NDST3: variants seen among roughly 807,000 people sequenced by gnomAD.
The protein encoded by NDST3 is N-deacetylase and N-sulfotransferase 3, also known as bifunctional heparan sulfate N-deacetylase/N-sulfotransferase 3.
Under a neutral mutation model 96.1 loss-of-function variants are expected in NDST3, and 58 were observed. The ratio of observed to expected loss-of-function variants is 0.60; its 90% CI spans 0.49 to 0.75. NDST3 has a LOEUF of 0.75. Ranked by LOEUF, NDST3 falls within the 30% of genes least tolerant of loss-of-function variation. NDST3 has a pLI of 0.00. For synonymous variants in NDST3, 333 were observed against 359.7 expected, an observed-to-expected ratio of 0.93 and a Z score of 0.84; for missense variants, 788 against 1,034.2, an observed-to-expected ratio of 0.76 and a Z score of 3.27.
chr4:118,145,279 A>G (rs904306832), intron 6 of NDST3, among the ~76,000 whole-genome samples: 28 of 152,212 alleles, frequency 1.8e-4, no homozygotes, highest in African/African-American at 5.5e-4. Flanking sequence ...AAATGCTAAC[A>G]TTTTCACCAA....
At chr4:118,210,361 G>A (rs1375075407) in intron 6 of NDST3, among the ~76,000 whole-genome samples, 2 of 152,134 alleles carry the variant, frequency 1.3e-5, no homozygotes, top group African/African-American at 4.8e-5. Context: ...GGTATCAGAA[G>A]AAGAAATAAC....
chr4:118,173,154 G>GTA (rs746500835), intron 6 of NDST3, among the ~76,000 whole-genome samples: 18,520 of 114,338 alleles, frequency 0.16, 1,238 homozygotes, highest in South Asian at 0.19. Flanking sequence ...GTGTGTGTGT[G>GTA]TATATATATA....
At chr4:118,131,326 G>A (rs552495009) in intron 4 of NDST3, among the ~76,000 whole-genome samples, 2 of 151,906 alleles carry the variant, frequency 1.3e-5, no homozygotes, top group Non-Finnish European at 2.9e-5. Context: ...CAAATAGGCT[G>A]TCTTCAAGTT....
At chr4:118,083,761 G>C (rs1339362621) in intron 2 of NDST3, among the ~76,000 whole-genome samples, 16 of 152,044 alleles carry the variant, frequency 1.1e-4, no homozygotes, top group African/African-American at 3.9e-4. Flanking sequence ...TTATTTTTTA[G>C]ATGAGTGGAC....
intron 6 of NDST3, among the ~76,000 whole-genome samples, chr4:118,177,886 G>A (rs999811517): frequency 1.3e-5 from 2 of 151,864 alleles, no homozygotes; most frequent in African/African-American, 4.8e-5. Flanking sequence ...CAATCTGCAG[G>A]AAGAATAATC....
intron 6 of NDST3, among the ~76,000 whole-genome samples, chr4:118,147,769 C>T (rs532415591): frequency 1.2e-4 from 19 of 152,078 alleles, no homozygotes; most frequent in Non-Finnish European, 2.8e-4. Flanking sequence ...TTGTGGGAGC[C>T]ATATTATCAT....
intron 6 of NDST3, among the ~76,000 whole-genome samples, chr4:118,223,140 TG>T (rs918130427): frequency 6.6e-6 from 1 of 151,838 alleles, no homozygotes; most frequent in African/African-American, 2.4e-5. Context: ...CACTGAAAAA[TG>T]TGGCATGTAA....
intron 6 of NDST3, among the ~76,000 whole-genome samples, chr4:118,223,770 T>A (rs893117897): frequency 1.3e-5 from 2 of 152,130 alleles, no homozygotes; most frequent in Non-Finnish European, 2.9e-5. Context: ...TGACATTATA[T>A]ATTTTAGGAA....
At chr4:118,109,784 T>TA (rs942162194) in intron 3 of NDST3, among the ~76,000 whole-genome samples, 8 of 152,290 alleles carry the variant, frequency 5.3e-5, no homozygotes, top group East Asian at 1.9e-4. Context: ...CCTTTTTCTA[T>TA]AAAAAAATTC....
intron 6 of NDST3, among the ~76,000 whole-genome samples, chr4:118,147,663 T>G (rs1418277780): frequency 6.6e-6 from 1 of 152,228 alleles, no homozygotes; most frequent in Non-Finnish European, 1.5e-5. Context: ...GTGTTCATTT[T>G]AACAAGTTTC....
At chr4:118,162,187 A>C (rs1735204475) in intron 6 of NDST3, among the ~76,000 whole-genome samples, 1 of 152,164 alleles carries the variant, frequency 6.6e-6, no homozygotes. Flanking sequence ...AAGGTAATTT[A>C]CAGATTCAAT....
At chr4:118,222,566 G>C (rs1023760777) in intron 6 of NDST3, among the ~76,000 whole-genome samples, 1 of 151,962 alleles carries the variant, frequency 6.6e-6, no homozygotes, top group Non-Finnish European at 1.5e-5. Context: ...AGCTTATGGT[G>C]CACCTTGCAT....
At chr4:118,238,922 A>G (rs1191500050) in intron 10 of NDST3, among the ~76,000 whole-genome samples, 1 of 152,224 alleles carries the variant, frequency 6.6e-6, no homozygotes, top group East Asian at 1.9e-4. Flanking sequence ...ATTAAAATGA[A>G]GAAGTGTTTT....
At chr4:118,217,482 C>T (rs539356890) in intron 6 of NDST3, among the ~76,000 whole-genome samples, 85 of 152,166 alleles carry the variant, frequency 5.6e-4, no homozygotes, top group African/African-American at 2.0e-3. Flanking sequence ...ATGAGACGTG[C>T]TCATGTGATG....
chr4:118,165,511 A>T (rs938746534), intron 6 of NDST3, among the ~76,000 whole-genome samples: 3 of 152,080 alleles, frequency 2.0e-5, no homozygotes, highest in Admixed American at 6.6e-5. Flanking sequence ...ACAATAGAAC[A>T]CTTAGACCAA....
chr4:118,162,104 T>C (rs1408044548), intron 6 of NDST3, among the ~76,000 whole-genome samples: 1 of 152,094 alleles, frequency 6.6e-6, no homozygotes, highest in Non-Finnish European at 1.5e-5. Flanking sequence ...TAAAAGAGGA[T>C]ACAAAGAAAT....
At chr4:118,233,272 T>C in intron 9 of NDST3, 137 bp downstream of exon 9, 1 of 730,586 alleles carries the variant, frequency 1.4e-6, no homozygotes, top group Non-Finnish European at 1.9e-6. Flanking sequence ...TGATTGAATA[T>C]CATAAAGGGG....
intron 5 of NDST3, among the ~76,000 whole-genome samples, chr4:118,142,665 A>G (rs748335939): frequency 6.6e-6 from 1 of 152,130 alleles, no homozygotes; most frequent in Non-Finnish European, 1.5e-5. Context: ...TCTCTGAAGT[A>G]TACTCATTAA....
chr4:118,126,525 TATATATATACAC>T (rs1490915130), intron 4 of NDST3, among the ~76,000 whole-genome samples: 792 of 13,372 alleles, frequency 0.059, 9 homozygotes, highest in South Asian at 0.29. Flanking sequence ...TATATATATA[TATATATATACAC>T]ATATATATAT....
Sources: allele counts gnomAD v4.1 joint callset (sites outside exome capture counted in the v4.1 genomes callset), GRCh38; gene constraint gnomAD v4.1.1; transcripts MANE v1.5; gene names NCBI Gene and HGNC (gene_info 2026-07-23, HGNC 2026-07-21).